Variants in CHGA observed in about 807,000 individuals in gnomAD.
CHGA encodes chromogranin-A.
Under a neutral mutation model 54.4 loss-of-function variants are expected in CHGA, and 41 were observed. The ratio of observed to expected loss-of-function variants is 0.75; its 90% CI spans 0.59 to 0.98. The LOEUF (loss-of-function observed/expected upper bound fraction) is 0.98, where lower values mean the gene tolerates loss of function less well. CHGA is among the 50% of genes least tolerant of loss of function. The pLI, the probability that CHGA is intolerant of heterozygous loss-of-function variation, is 0.00. For synonymous variants in CHGA, 249 were observed against 232.8 expected, an observed-to-expected ratio of 1.07 and a Z score of -0.63; for missense variants, 576 against 582.3, an observed-to-expected ratio of 0.99 and a Z score of 0.11.
intron 5 of CHGA, 91 bp downstream of exon 5, chr14:92,929,906 G>C: frequency 2.1e-6 from 2 of 955,182 alleles, no homozygotes; most frequent in Non-Finnish European, 3.3e-6. Flanking sequence ...AGTGAGTCGG[G>C]AGCCCCACCC....
intron 5 of CHGA, 64 bp downstream of exon 5, chr14:92,929,879 G>A (rs1886961227): frequency 7.5e-7 from 1 of 1,331,010 alleles, no homozygotes; most frequent in East Asian, 2.3e-5. Flanking sequence ...CAGTGGCTAT[G>A]ATGGACCCAG....
At position 92,931,406 on chromosome 14, in the gene CHGA, G is replaced by A. The variant is rs1886991817; in HGVS notation, c.512G>A (p.Gly171Glu). ...SKAEGNNQAP[G>E]EEEEEEEEAT... is the part of the protein sequence containing the mutation. Reference sequence around the variant, plus strand: ...GCTGAGGGGAACAATCAGGCCCCTGGGGAGGAAGAGGAGGAGGAGGAGGAG... The same window carrying A: ...GCTGAGGGGAACAATCAGGCCCCTGAGGAGGAAGAGGAGGAGGAGGAGGAG... The change falls in exon 6 of 8, where the codon GGG (glycine) becomes GAG (glutamate). Residue 171 changes from glycine to glutamate, a missense_variant. Transcript: ENST00000216492. The A allele has an allele frequency of 6.2e-7, 1 of 1,611,374 alleles. No homozygotes were observed.
rs1887028074 is a variant in CHGA, at chr14:92,932,577, C to T, written c.1016C>T (p.Ser339Phe). The T allele has an allele frequency of 3.2e-6, 5 of 1,562,726 alleles. No individual in the cohort carries two copies. Among genetic ancestry groups the T allele is most frequent in the African/African-American group, 1.4e-5 (1 of 73,894 alleles). Reference protein sequence around the residue: ...EERLSKEWEDSKRWSKMDQLA... With the variant: ...EERLSKEWEDFKRWSKMDQLA... ...CGGCTCTCCAAGGAGTGGGAGGACTCCAAACGCTGGAGCAAGATGGACCAG... is the reference window on the plus strand; with the variant it reads ...CGGCTCTCCAAGGAGTGGGAGGACTTCAAACGCTGGAGCAAGATGGACCAG... Residue 339 changes from serine to phenylalanine, a missense_variant, in exon 7 of 8, where the codon TCC becomes TTC. By Grantham distance (155) the Ser-to-Phe change is radical. Coordinates refer to ENST00000216492, the MANE Select transcript of CHGA (RefSeq NM_001275.4). The surrounding 1 kb of genome is among the most constrained non-coding windows in gnomAD (Gnocchi z 5.3).
Position 92,934,971 on chromosome 14 carries a change from T to C in CHGA, c.*87T>C, listed in dbSNP as rs7610. 0.73 allele frequency: 859,824 copies of C among 1,175,492 alleles called. 317,475 individuals carry two copies. The highest frequency in any genetic ancestry group is 0.95 in the East Asian group (33,339 of 35,148). 72.8% of individuals were successfully genotyped at this position (1,175,492 alleles called of 1,614,324 possible). On this transcript the variant is annotated 3_prime_UTR_variant, in exon 8 of 8. Coordinates refer to ENST00000216492, the MANE Select transcript of CHGA (RefSeq NM_001275.4). ...GCAGGTCCTGGCCAGATGGCCCGGATGCTGCTTCCGGTAGGGAGGCAGCCT... is the reference window on the plus strand; with the variant it reads ...GCAGGTCCTGGCCAGATGGCCCGGACGCTGCTTCCGGTAGGGAGGCAGCCT...
Position 92,931,717 on chromosome 14 carries a change from G to A in CHGA, c.808+15G>A, listed in dbSNP as rs373315348. 66 of 1,545,138 alleles carry A rather than the reference G, an allele frequency of 4.3e-5. No individual in the cohort carries two copies. In the East Asian group the frequency reaches 5.0e-4, roughly 12 times the overall value. Reference sequence around the variant, plus strand: ...GAAAGGCGAGAGTACGTATGATGGCGAAGACCTCAACGAACGTGTCTGGGA... The same window carrying A: ...GAAAGGCGAGAGTACGTATGATGGCAAAGACCTCAACGAACGTGTCTGGGA... On this transcript the variant is annotated intron_variant, in intron 6 of 7. Transcript: ENST00000216492.
At position 92,932,470 on chromosome 14, in the gene CHGA, AGAG is replaced by A. The variant is rs765455865; in HGVS notation, c.922_924del (p.Glu308del). Reference sequence around the variant, plus strand: ...GAGAACAGGAGCACTCCCAGCAGAAAGAGGAGGAGGAGGAGATGGCAGTGGTCC... The same window carrying A: ...GAGAACAGGAGCACTCCCAGCAGAAAGAGGAGGAGGAGATGGCAGTGGTCC... On this transcript the variant is annotated inframe_deletion, in exon 7 of 8. Transcript: ENST00000216492. This position sits in a 1 kb window ranked among gnomAD's most constrained non-coding sequence, Gnocchi z 5.3. 101 of 1,556,126 alleles carry A rather than the reference AGAG, an allele frequency of 6.5e-5. 1 individual carries two copies. The highest frequency in any genetic ancestry group is 1.1e-4 in the South Asian group (9 of 84,262).
chr14:92,929,988 G>A (rs2139671708), intron 5 of CHGA, among the ~76,000 whole-genome samples, 173 bp downstream of exon 5: 1 of 152,346 alleles, frequency 6.6e-6, no homozygotes, highest in East Asian at 1.9e-4. Flanking sequence ...CTTGCCCAAG[G>A]TGAGTGGCAT....
intron 7 of CHGA, among the ~76,000 whole-genome samples, chr14:92,933,457 C>T (rs1272363647): frequency 1.3e-5 from 2 of 152,150 alleles, no homozygotes; most frequent in African/African-American, 2.4e-5. Context: ...CACACAAAGG[C>T]TTTGAAAACC....
intron 7 of CHGA, among the ~76,000 whole-genome samples, chr14:92,933,620 C>A (rs530145349): frequency 1.3e-3 from 193 of 152,242 alleles, no homozygotes; most frequent in African/African-American, 4.3e-3. Flanking sequence ...GACACCTGTC[C>A]GCAGCCCTGA....
chr14:92,923,577 C>T (rs1054256784), intron 1 of CHGA, among the ~76,000 whole-genome samples, 172 bp downstream of exon 1: 1 of 152,196 alleles, frequency 6.6e-6, no homozygotes, highest in African/African-American at 2.4e-5. Context: ...GTGTGGCCTC[C>T]GCCTGGGACC....
At chr14:92,928,533 T>G (rs1886932300) in intron 4 of CHGA, among the ~76,000 whole-genome samples, 1 of 152,240 alleles carries the variant, frequency 6.6e-6, no homozygotes, top group Non-Finnish European at 1.5e-5. Context: ...ATTACCTGGA[T>G]AGTTATGTCA....
At position 92,926,716 on chromosome 14, in the gene CHGA, G is replaced by A; in HGVS notation, c.187+18G>A. The A allele has an allele frequency of 6.2e-7, 1 of 1,607,002 alleles. No homozygotes were observed. The highest frequency in any genetic ancestry group is 8.5e-7 in the Non-Finnish European group (1 of 1,173,738). On this transcript the variant is annotated intron_variant, in intron 3 of 7. Coordinates refer to ENST00000216492, the MANE Select transcript of CHGA (RefSeq NM_001275.4). The stretch of plus-strand genomic sequence containing the variant: ...CCGAGGAGGTATGAGCTGGAGGCTA[G>A]GGGTGAGGGCTGCTGCCTGCTGGGC...
chr14:92,924,384 AAAG>A (rs1886847447), intron 2 of CHGA, 139 bp downstream of exon 2: 1 of 794,328 alleles, frequency 1.3e-6, no homozygotes, highest in Non-Finnish European at 2.0e-6. Context: ...ACAGCTTGCA[AAAG>A]AAGATATCAA....
Position 92,931,545 on chromosome 14 carries a change from G to C in CHGA, c.651G>C (p.Leu217=). 6.2e-7 allele frequency: 1 copy of C among 1,613,148 alleles called. No individual in the cohort carries two copies. Among genetic ancestry groups the C allele is most frequent in the Non-Finnish European group, 8.5e-7 (1 of 1,179,826 alleles). Residue 217 remains leucine, a synonymous_variant, in exon 6 of 8, where the codon CTG becomes CTC. Coordinates refer to ENST00000216492, the MANE Select transcript of CHGA (RefSeq NM_001275.4). ...SQGLVDREKG[L]SAEPGWQAKR... ...GTCTGGTGGACAGAGAGAAGGGCCT[G>C]AGTGCAGAGCCAGGGTGGCAGGCAA...
At chr14:92,934,234 G>A (rs1460503028) in intron 7 of CHGA, among the ~76,000 whole-genome samples, 3 of 152,214 alleles carry the variant, frequency 2.0e-5, no homozygotes, top group Admixed American at 6.5e-5. Context: ...CTCAGAGGAG[G>A]GGTCCCTGCT....
rs897405497 is a variant in CHGA, at chr14:92,926,816, C to T, written c.187+118C>T. ...ACTCAACAGTCACTGACTGAGTGCCCGTCATGTCCAGGCACTGCACCAGGG... is the reference window on the plus strand; with the variant it reads ...ACTCAACAGTCACTGACTGAGTGCCTGTCATGTCCAGGCACTGCACCAGGG... On this transcript the variant is annotated intron_variant, in intron 3 of 7. Transcript: ENST00000216492. 3.7e-5 allele frequency: 31 copies of T among 847,648 alleles called. No homozygotes were observed. In the African/African-American group the frequency reaches 3.7e-4, roughly 10 times the overall value. The allele number at this position is 847,648 out of a possible 1,614,324, so 52.5% of individuals were successfully genotyped here.
Position 92,931,591 on chromosome 14 carries a change from G to C in CHGA, c.697G>C (p.Glu233Gln). 6.2e-7 allele frequency: 1 copy of C among 1,613,534 alleles called. No homozygotes were observed. The highest frequency in any genetic ancestry group is 1.3e-5 in the African/African-American group (1 of 75,040). Residue 233 changes from glutamate (E) to glutamine (Q), a missense_variant, in exon 6 of 8, where the codon GAG becomes CAG. Glu to Gln is a conservative substitution (Grantham distance 29). Coordinates refer to ENST00000216492, the MANE Select transcript of CHGA (RefSeq NM_001275.4). ...WQAKREEEEE[E>Q]EEEAEAGEEA... ...GGCAAAGAGAGAAGAGGAGGAGGAG[G>C]AGGAGGAGGAGGCTGAGGCTGGAGA...
rs1887037856 is a variant in CHGA at position 92,932,793 on chromosome 14, T to C, written c.1232T>C (p.Val411Ala). The C allele has an allele frequency of 1.3e-6, 2 of 1,573,254 alleles. No homozygotes were observed. Among genetic ancestry groups the C allele is most frequent in the Non-Finnish European group, 8.6e-7 (1 of 1,158,800 alleles). ...DSLEAGLPLQ[V>A]RGYPEEKKEE... ...CTTGAGGCGGGCCTGCCCCTCCAGG[T>C]CCGAGGCTACCCCGAGGAGAAGAAA... is the stretch of plus-strand genomic sequence containing the variant. The change falls in exon 7 of 8, where the codon GTC becomes GCC. Residue 411 changes from valine (V) to alanine (A), a missense_variant. Transcript: ENST00000216492. The surrounding 1 kb of genome is among the most constrained non-coding windows in gnomAD (Gnocchi z 5.3).
chr14:92,923,047 G>A (rs9658636), upstream of CHGA: 137 of 249,346 alleles, frequency 5.5e-4, no homozygotes, highest in African/African-American at 2.5e-3. Flanking sequence ...GGGGGCGAGC[G>A]GGGACTGGAC....
Sources: allele counts gnomAD v4.1 joint callset (sites outside exome capture counted in the v4.1 genomes callset), GRCh38; gene constraint gnomAD v4.1.1; non-coding constraint Gnocchi (gnomAD v3.1); transcripts MANE v1.5; gene names NCBI Gene and HGNC (gene_info 2026-07-23, HGNC 2026-07-21).